Variants in DSCAM observed in about 807,000 individuals in gnomAD.
The protein encoded by DSCAM is DS cell adhesion molecule.
DSCAM carries 47 observed loss-of-function variants against 217.7 expected under a neutral mutation model. The ratio of observed to expected loss-of-function variants is 0.22; its 90% CI spans 0.17 to 0.28. The LOEUF is 0.28. Ranked by LOEUF, DSCAM falls within the 10% of genes least tolerant of loss-of-function variation. DSCAM has a pLI of 1.00. For synonymous variants in DSCAM, 1,056 were observed against 1,015.3 expected (o/e 1.04, Z -0.76); for missense variants, 2,080 against 2,618.3 (o/e 0.79, Z 4.49).
At chr21:40,247,217 A>G (rs775133103) in intron 11 of DSCAM, among the ~76,000 whole-genome samples, 1 of 152,152 alleles carries the variant, frequency 6.6e-6, no homozygotes, top group Non-Finnish European at 1.5e-5. Flanking sequence ...CAGCCAAACC[A>G]TATCATTCTA....
At chr21:40,412,729 A>G (rs1056829388) in intron 3 of DSCAM, among the ~76,000 whole-genome samples, 4 of 152,368 alleles carry the variant, frequency 2.6e-5, no homozygotes, top group African/African-American at 9.6e-5. Context: ...AAGAAAATAT[A>G]TTCTGAGGAA....
At chr21:40,743,647 T>C (rs1569014288) in intron 1 of DSCAM, among the ~76,000 whole-genome samples, 2 of 151,852 alleles carry the variant, frequency 1.3e-5, no homozygotes. Flanking sequence ...GAAGTACATT[T>C]AAAAAAAAAT....
chr21:40,708,582 T>C lies in DSCAM; in HGVS notation c.233A>G (p.Asn78Ser). The C allele has an allele frequency of 1.2e-6, 2 of 1,610,080 alleles. No individual in the cohort carries two copies. The highest frequency in any genetic ancestry group is 2.2e-5 in the East Asian group (1 of 44,804). ...GAAGGGGAAAATTTGGAGAGTGCCG[T>C]TGGGGTGGACGTGGCGGATCCCGGG... ...DVPGIRHVHPNGTLQIFPFPP... is the reference protein window; with the variant it reads ...DVPGIRHVHPSGTLQIFPFPP... The change falls in exon 2 of 33, where the codon AAC becomes AGC. Residue 78 changes from asparagine (N) to serine (S), a missense_variant. Coordinates refer to ENST00000400454, the MANE Select transcript of DSCAM (RefSeq NM_001389.5).
At chr21:40,026,598 G>A (rs1266188883) in intron 32 of DSCAM, among the ~76,000 whole-genome samples, 1 of 147,756 alleles carries the variant, frequency 6.8e-6, no homozygotes, top group East Asian at 2.0e-4. Context: ...AGCTCTTCTT[G>A]TTGAATTGAT....
At chr21:40,162,233 G>A (rs2090548118) in intron 16 of DSCAM, among the ~76,000 whole-genome samples, 1 of 152,166 alleles carries the variant, frequency 6.6e-6, no homozygotes. Context: ...TTTGACTTCA[G>A]GATCTCCCTC....
chr21:40,802,513 C>A (rs1367963578), intron 1 of DSCAM, among the ~76,000 whole-genome samples: 1 of 152,174 alleles, frequency 6.6e-6, no homozygotes, highest in African/African-American at 2.4e-5. Context: ...TCAATGTTTA[C>A]TCCCTCTGAA....
At chr21:40,164,482 T>A (rs1455888217) in intron 16 of DSCAM, among the ~76,000 whole-genome samples, 1 of 152,146 alleles carries the variant, frequency 6.6e-6, no homozygotes, top group Non-Finnish European at 1.5e-5. Context: ...TAGAAGCTCT[T>A]CTTTGGTGAA....
intron 3 of DSCAM, among the ~76,000 whole-genome samples, chr21:40,413,832 G>C (rs1445847774): frequency 6.6e-6 from 1 of 152,160 alleles, no homozygotes; most frequent in African/African-American, 2.4e-5. Context: ...TTCAACAAAT[G>C]TGCACAGGTA....
intron 1 of DSCAM, among the ~76,000 whole-genome samples, chr21:40,792,267 T>C (rs1298997202): frequency 6.6e-6 from 1 of 151,420 alleles, no homozygotes; most frequent in African/African-American, 2.4e-5. Flanking sequence ...GCCTCCTGAG[T>C]ACGTGGGACT....
intron 3 of DSCAM, among the ~76,000 whole-genome samples, chr21:40,370,592 G>T (rs1049115156): frequency 6.6e-6 from 1 of 151,000 alleles, no homozygotes; most frequent in African/African-American, 2.4e-5. Context: ...ATCATGCATA[G>T]GTCAGTTTCT....
intron 11 of DSCAM, among the ~76,000 whole-genome samples, chr21:40,252,775 A>G (rs1417112610): frequency 6.6e-6 from 1 of 152,192 alleles, no homozygotes; most frequent in Non-Finnish European, 1.5e-5. Context: ...CCAGATTCCC[A>G]TTAAAGGCTT....
At chr21:40,536,613 A>T (rs1042196868) in intron 3 of DSCAM, among the ~76,000 whole-genome samples, 2 of 151,998 alleles carry the variant, frequency 1.3e-5, no homozygotes, top group Non-Finnish European at 2.9e-5. Context: ...TCACCATGTT[A>T]GCCAGGATGG....
intron 1 of DSCAM, among the ~76,000 whole-genome samples, chr21:40,777,002 A>C (rs1393923140): frequency 2.6e-5 from 4 of 152,346 alleles, no homozygotes; most frequent in African/African-American, 9.6e-5. Flanking sequence ...ACTATATCTT[A>C]GTCTGCTGGA....
chr21:40,831,058 G>A (rs1361347041), intron 1 of DSCAM, among the ~76,000 whole-genome samples: 1 of 152,192 alleles, frequency 6.6e-6, no homozygotes, highest in Non-Finnish European at 1.5e-5. Context: ...CCAGCACCAC[G>A]CAGTGTGTAT....
intron 1 of DSCAM, among the ~76,000 whole-genome samples, chr21:40,793,560 G>A (rs1228518568): frequency 4.0e-5 from 6 of 151,798 alleles, no homozygotes; most frequent in African/African-American, 9.7e-5. Flanking sequence ...GTGTGATCTC[G>A]GCTCACTGAA....
At chr21:40,816,466 C>G (rs569106579) in intron 1 of DSCAM, among the ~76,000 whole-genome samples, 1 of 152,262 alleles carries the variant, frequency 6.6e-6, no homozygotes, top group African/African-American at 2.4e-5. Flanking sequence ...GTAGTCCCAC[C>G]TACTCGGGAG....
chr21:40,115,287 C>A (rs1438594953), intron 20 of DSCAM, among the ~76,000 whole-genome samples: 1 of 152,038 alleles, frequency 6.6e-6, no homozygotes, highest in African/African-American at 2.4e-5. Flanking sequence ...AGCTGGAAAC[C>A]ATCATTCTGA....
intron 9 of DSCAM, among the ~76,000 whole-genome samples, chr21:40,305,152 G>A (rs2074058495): frequency 6.6e-6 from 1 of 152,118 alleles, no homozygotes; most frequent in African/African-American, 2.4e-5. Flanking sequence ...CACTTTGGGA[G>A]GCCAAGTGGG....
intron 1 of DSCAM, among the ~76,000 whole-genome samples, chr21:40,832,599 C>T (rs756125366): frequency 4.6e-5 from 7 of 152,102 alleles, no homozygotes; most frequent in South Asian, 2.1e-4. Context: ...TGCTCTTGAA[C>T]GCAAGAGGCT....
Sources: gnomAD v4.1 joint callset for allele counts (sites outside exome capture counted in the v4.1 genomes callset) on GRCh38, gnomAD v4.1.1 for gene constraint, MANE v1.5 for transcripts, NCBI Gene and HGNC (gene_info 2026-07-23, HGNC 2026-07-21) for gene names.